MAG: variants seen among roughly 807,000 people sequenced by gnomAD.
MAG encodes myelin associated glycoprotein.
A neutral mutation model predicts 60.7 loss-of-function variants in MAG; 30 were observed. The observed-to-expected ratio is 0.49, with a 90% CI of 0.37 to 0.67. MAG has a LOEUF of 0.67. MAG is among the 30% of genes least tolerant of loss of function. The probability of loss-of-function intolerance (pLI) is 0.00; values close to 1 mark genes in which losing one functional copy is unlikely to be tolerated. For synonymous variants in MAG, 384 were observed against 376.8 expected, an observed-to-expected ratio of 1.02 and a Z score of -0.22; for missense variants, 795 against 851.7, an observed-to-expected ratio of 0.93 and a Z score of 0.83.
In MAG at chr19:35,300,125, C is replaced by G. The variant is rs1368825935; in HGVS notation, c.713-22C>G. 5.3e-6 allele frequency: 8 copies of G among 1,512,670 alleles called. No individual in the cohort carries two copies. The African/African-American group carries it at 9.7e-5, about 18-fold the overall frequency. The allele number at this position is 1,512,670 out of a possible 1,614,324, so 93.7% of individuals were successfully genotyped here. ...GGTTCCCCAGCACCTGCTCACTAAC[C>G]TCGCTGTGTCGCGGGCCTTAGACCC... On this transcript the variant is annotated intron_variant, in intron 5 of 10. Coordinates refer to ENST00000392213, the MANE Select transcript of MAG (RefSeq NM_002361.4).
At chr19:35,303,403 TCTATTA>T (rs1046260854) in intron 7 of MAG, among the ~76,000 whole-genome samples, 4 of 152,140 alleles carry the variant, frequency 2.6e-5, no homozygotes, top group Admixed American at 2.0e-4. Flanking sequence ...TGAGGGAGGT[TCTATTA>T]CTGTTTCCCT....
intron 4 of MAG, 31 bp downstream of exon 4, chr19:35,296,012 G>C (rs777181933): frequency 6.5e-6 from 10 of 1,532,038 alleles, no homozygotes; most frequent in Non-Finnish European, 8.8e-6. Flanking sequence ...CAGGCACCGG[G>C]AGCTGGGGCA....
intron 7 of MAG, among the ~76,000 whole-genome samples, chr19:35,303,072 C>T (rs1016653260): frequency 8.6e-5 from 13 of 151,982 alleles, no homozygotes; most frequent in Non-Finnish European, 1.8e-4. Flanking sequence ...TACAGGCGCT[C>T]GCCACCACAC....
rs555490866 is a variant in MAG, at chr19:35,298,760, G to C, written c.416-794G>C. On this transcript the variant is annotated intron_variant, in intron 4 of 10. Coordinates refer to ENST00000392213, the MANE Select transcript of MAG (RefSeq NM_002361.4). The stretch of plus-strand genomic sequence containing the variant: ...ACACACCACACACACCACGTACTAC[G>C]CAAACCACATACCACACACGACCCA... Among the ~76,000 whole-genome samples the C allele has an allele frequency of 5.6e-3, 656 of 116,390 alleles. 3 individuals are homozygous for C. Among genetic ancestry groups the C allele is most frequent in the Middle Eastern group, 0.017 (2 of 116 alleles). The allele number at this position is 116,390 out of a possible 152,430, so 76.4% of individuals were successfully genotyped here.
intron 7 of MAG, 65 bp from the exon 8 acceptor site, chr19:35,309,809 G>C: frequency 6.4e-7 from 1 of 1,550,480 alleles, no homozygotes; most frequent in Non-Finnish European, 8.7e-7. Context: ...TTGAGCCAAG[G>C]AGTCTCCGGG....
At chr19:35,296,209 T>C (rs1444758626) in intron 4 of MAG, among the ~76,000 whole-genome samples, 8 of 152,138 alleles carry the variant, frequency 5.3e-5, no homozygotes, top group Non-Finnish European at 1.2e-4. Flanking sequence ...GGGAAACAGG[T>C]GCTGCTACTC....
At chr19:35,297,482 A>G (rs11667965) in intron 4 of MAG, among the ~76,000 whole-genome samples, 19,752 of 145,228 alleles carry the variant, frequency 0.14, 1,345 homozygotes, top group Middle Eastern at 0.2. Flanking sequence ...CCACACACAC[A>G]CTACCCACAC....
At chr19:35,312,217 G>T (rs186648014) in intron 10 of MAG, 200 bp downstream of exon 10, 13 of 1,469,826 alleles carry the variant, frequency 8.8e-6, no homozygotes, top group Admixed American at 1.7e-5. Context: ...GCGATGGGAC[G>T]TGGGGCCTAA....
At chr19:35,309,548 AG>A (rs2066509529) in intron 7 of MAG, among the ~76,000 whole-genome samples, 2 of 152,086 alleles carry the variant, frequency 1.3e-5, no homozygotes, top group African/African-American at 4.8e-5. Flanking sequence ...GCAAAGTGCT[AG>A]GATTACAGCA....
chr19:35,309,717 T>A lies in MAG; in HGVS notation c.1232-157T>A, dbSNP rs946389403. 8.7e-6 allele frequency: 7 copies of A among 807,818 alleles called. No individual in the cohort carries two copies. The African/African-American group carries it at 1.2e-4, about 14-fold the overall frequency. The allele number at this position is 807,818 out of a possible 1,614,324, so 50.0% of individuals were successfully genotyped here. On this transcript the variant is annotated intron_variant, in intron 7 of 10. Transcript: ENST00000392213. ...CGTAGTGAGGTCAAGGCGCTCTCAG[T>A]CAGGACAGAGAAAAAAGGAGGGGAA...
In MAG at chr19:35,295,376, C is replaced by T. The variant is rs767277925; in HGVS notation, c.-23-10C>T. ...CCCCCAGCCTTTAACCCTCTCCTCTCCCTTTCCAGCGATCACTCACTCGCT... is the reference window on the plus strand; with the variant it reads ...CCCCCAGCCTTTAACCCTCTCCTCTTCCTTTCCAGCGATCACTCACTCGCT... On this transcript the variant is annotated splice_polypyrimidine_tract_variant and intron_variant, in intron 2 of 10. Transcript: ENST00000392213. The surrounding 1 kb of genome is among the most constrained non-coding windows in gnomAD (Gnocchi z 5.8). 16 of 1,612,746 alleles carry T rather than the reference C, an allele frequency of 9.9e-6. No homozygotes were observed. The highest frequency in any genetic ancestry group is 1.4e-5 in the Non-Finnish European group (16 of 1,179,462).
chr19:35,309,965 C>A lies in MAG; in HGVS notation c.1323C>A (p.Ser441=). The A allele has an allele frequency of 6.2e-7, 1 of 1,614,044 alleles. No homozygotes were observed. The highest frequency in any genetic ancestry group is 1.1e-5 in the South Asian group (1 of 91,092). The part of the protein sequence containing the change: ...LCVVKSNPEP[S]VAFELPSRNV... ...TGGTGAAGTCCAACCCGGAGCCGTC[C>A]GTGGCCTTTGAGCTGCCATCGCGCA... Residue 441 remains serine, a synonymous_variant, in exon 8 of 11, where the codon TCC becomes TCA. Coordinates refer to ENST00000392213, the MANE Select transcript of MAG (RefSeq NM_002361.4).
chr19:35,310,447 G>C (rs1429559814), intron 8 of MAG, 100 bp from the exon 9 acceptor site: 2 of 1,076,370 alleles, frequency 1.9e-6, no homozygotes, highest in Admixed American at 1.8e-5. Context: ...CCCCGGCTGT[G>C]TGACTACATT....
At position 35,293,030 on chromosome 19, in the gene MAG, G is replaced by A. The variant is rs2066368613; in HGVS notation, c.-80+826G>A. Reference sequence around the variant, plus strand: ...ACACTGTAATAGCTGAGGTTGATTTGGCCCCCATCCCGAGAACTTGTTTTC... The same window carrying A: ...ACACTGTAATAGCTGAGGTTGATTTAGCCCCCATCCCGAGAACTTGTTTTC... On this transcript the variant is annotated intron_variant, in intron 1 of 10. Coordinates refer to ENST00000392213, the MANE Select transcript of MAG (RefSeq NM_002361.4). The surrounding 1 kb of genome is among the most constrained non-coding windows in gnomAD (Gnocchi z 4.0). 6.6e-6 allele frequency among the ~76,000 whole-genome samples: 1 copy of A among 152,000 alleles called. No homozygotes were observed. The highest frequency in any genetic ancestry group is 1.5e-5 in the Non-Finnish European group (1 of 67,992).
chr19:35,299,869 G>A lies in MAG; in HGVS notation c.712+19G>A. 1.4e-6 allele frequency: 1 copy of A among 739,688 alleles called. No individual in the cohort carries two copies. Among genetic ancestry groups the A allele is most frequent in the Non-Finnish European group, 2.0e-6 (1 of 511,330 alleles). 45.8% of individuals were successfully genotyped at this position (739,688 alleles called of 1,614,324 possible). On this transcript the variant is annotated intron_variant, in intron 5 of 10. Transcript: ENST00000392213. Reference sequence around the variant, plus strand: ...GTCAAGTGTGAGCCTGGGTGCGGGCGGGGCGGGGTGGGGCGGGGTGGGGCG... The same window carrying A: ...GTCAAGTGTGAGCCTGGGTGCGGGCAGGGCGGGGTGGGGCGGGGTGGGGCG...
In MAG at chr19:35,307,958, G is replaced by A. The variant is rs370664156; in HGVS notation, c.1232-1916G>A. 3.4e-3 allele frequency among the ~76,000 whole-genome samples: 511 copies of A among 152,266 alleles called. 2 individuals are homozygous for A. The highest frequency in any genetic ancestry group is 0.012 in the African/African-American group (493 of 41,554). ...GCACAGCCTGGAAGCCAGAAAGGAG[G>A]GGATAGTCTAAGCCTGTGTGAGCCC... On this transcript the variant is annotated intron_variant, in intron 7 of 10. Coordinates refer to ENST00000392213, the MANE Select transcript of MAG (RefSeq NM_002361.4).
chr19:35,299,070 C>T (rs2066426223), intron 4 of MAG, among the ~76,000 whole-genome samples: 2 of 151,464 alleles, frequency 1.3e-5, no homozygotes, highest in East Asian at 1.9e-4. Context: ...CACATACCTA[C>T]ACACACACAC....
At chr19:35,292,533 C>T (rs369111513) in intron 1 of MAG, among the ~76,000 whole-genome samples, 1 of 151,960 alleles carries the variant, frequency 6.6e-6, no homozygotes, top group Non-Finnish European at 1.5e-5. Context: ...TGCATCTGGC[C>T]GAAGAATGGA....
Position 35,310,112 on chromosome 19 carries a change from G to A in MAG, c.1470G>A (p.Ala490=), listed in dbSNP as rs760849510. Residue 490 remains alanine, a synonymous_variant, in exon 8 of 11, where the codon GCG becomes GCA. Coordinates refer to ENST00000392213, the MANE Select transcript of MAG (RefSeq NM_002361.4). ...CCCCGCCCCGCGTCATCTGCACCGC[G>A]AGGAACCTCTATGGCGCCAAGAGCC... ...AQAPPRVICT[A]RNLYGAKSLE... 8 of 1,612,322 alleles carry A rather than the reference G, an allele frequency of 5.0e-6. No homozygotes were observed. The East Asian group carries it at 8.9e-5, about 18-fold the overall frequency.
Sources: gnomAD v4.1 joint callset for allele counts (sites outside exome capture counted in the v4.1 genomes callset) on GRCh38, gnomAD v4.1.1 for gene constraint, Gnocchi (gnomAD v3.1) non-coding constraint, MANE v1.5 for transcripts, NCBI Gene and HGNC (gene_info 2026-07-23, HGNC 2026-07-21) for gene names.